Variants in AGBL3 observed in about 807,000 individuals in gnomAD.
The protein encoded by AGBL3 is cytosolic carboxypeptidase 3.
Under a neutral mutation model 94.5 loss-of-function variants are expected in AGBL3, and 68 were observed. The ratio of observed to expected loss-of-function variants is 0.72; its 90% confidence interval spans 0.59 to 0.88. The LOEUF is 0.88. Among genes scored for constraint, AGBL3 ranks in the 40% least tolerant of loss-of-function variants. AGBL3 has a pLI of 0.00. For missense variants in AGBL3, 934 were observed against 1,103.8 expected (o/e 0.85, Z 2.18); for synonymous variants, 354 against 370.7 (o/e 0.95, Z 0.52).
intron 4 of AGBL3, among the ~76,000 whole-genome samples, chr7:134,996,306 A>C (rs989010227): frequency 6.6e-6 from 1 of 152,210 alleles, no homozygotes; most frequent in Non-Finnish European, 1.5e-5. Context: ...CTGGGTTTTT[A>C]GACCCCTGTA....
intron 12 of AGBL3, among the ~76,000 whole-genome samples, chr7:135,061,744 G>C (rs188319913): frequency 6.6e-6 from 1 of 152,068 alleles, no homozygotes; most frequent in Non-Finnish European, 1.5e-5. Context: ...TGGTTTATGT[G>C]TCTGTTTTTA....
intron 5 of AGBL3, among the ~76,000 whole-genome samples, chr7:135,027,418 A>G (rs1815267329): frequency 1.4e-5 from 1 of 69,944 alleles, no homozygotes; most frequent in South Asian, 8.8e-4. Flanking sequence ...TAAAGAAATT[A>G]AGAGGAGAAA....
chr7:134,998,704 G>A (rs2133396844), intron 4 of AGBL3, among the ~76,000 whole-genome samples: 1 of 152,254 alleles, frequency 6.6e-6, no homozygotes, highest in African/African-American at 2.4e-5. Context: ...TTTGCCAGGT[G>A]GGGTGAAGAC....
At chr7:135,042,247 T>C (rs1459912927) in intron 8 of AGBL3, among the ~76,000 whole-genome samples, 3 of 152,194 alleles carry the variant, frequency 2.0e-5, no homozygotes, top group South Asian at 2.1e-4. Context: ...TCTATCATAA[T>C]TGCCAAAAGC....
rs185555336 is a variant in AGBL3 at position 135,019,554 on chromosome 7, T to C, written c.418+2395T>C. The stretch of plus-strand genomic sequence containing the variant: ...GTCAAGGTTCATTTTTTCCCACCTT[T>C]TAACAAAATTGATTAATCACCAGCT... On this transcript the variant is annotated intron_variant, in intron 5 of 16. Transcript: ENST00000436302. 8.3e-4 allele frequency among the ~76,000 whole-genome samples: 127 copies of C among 152,264 alleles called. 4 individuals are homozygous for C. The highest frequency in any genetic ancestry group is 3.0e-3 in the African/African-American group (123 of 41,574).
At chr7:134,997,738 G>A (rs1811187877) in intron 4 of AGBL3, among the ~76,000 whole-genome samples, 1 of 152,130 alleles carries the variant, frequency 6.6e-6, no homozygotes, top group South Asian at 2.1e-4. Context: ...GGCATCAGAG[G>A]CTATCTCCCA....
At chr7:135,109,338 C>T (rs180763588) in intron 15 of AGBL3, among the ~76,000 whole-genome samples, 1 of 152,316 alleles carries the variant, frequency 6.6e-6, no homozygotes, top group Non-Finnish European at 1.5e-5. Context: ...TGACAACCCA[C>T]CTCTCCCACT....
At chr7:135,068,054 G>A (rs1473183587) in intron 12 of AGBL3, among the ~76,000 whole-genome samples, 10 of 152,236 alleles carry the variant, frequency 6.6e-5, no homozygotes, top group Non-Finnish European at 1.3e-4. Flanking sequence ...ACCTGATGGA[G>A]CTGAAAACCA....
At chr7:135,031,772 G>T (rs1385538525) in intron 5 of AGBL3, among the ~76,000 whole-genome samples, 2 of 152,216 alleles carry the variant, frequency 1.3e-5, no homozygotes, top group African/African-American at 4.8e-5. Flanking sequence ...AAAGCCTAAG[G>T]TATTCCATAA....
Position 135,034,342 on chromosome 7 carries a change from G to T in AGBL3, c.751G>T (p.Ala251Ser). 1 of 1,551,628 alleles carries T rather than the reference G, an allele frequency of 6.4e-7. No individual in the cohort carries two copies. Residue 251 changes from alanine to serine, a missense_variant, in exon 7 of 17, where the codon GCT becomes TCT. Physicochemically the swap from Ala to Ser is moderately conservative, Grantham distance 99 (BLOSUM62 1). Around this residue, in one of 3 missense-constraint regions of AGBL3, gnomAD observed 488 missense variants for 563.6 expected, o/e 0.87. Coordinates refer to ENST00000436302, the MANE Select transcript of AGBL3 (RefSeq NM_178563.4). Reference protein sequence around the residue: ...PLFYSEKEAKAHHIGWQRIGD... With the variant: ...PLFYSEKEAKSHHIGWQRIGD... ...GTTCTATTCTGAAAAAGAGGCCAAG[G>T]CTCATCACATTGGCTGGCAGAGAAT...
At chr7:135,123,430 G>A (rs1372724006) in intron 16 of AGBL3, among the ~76,000 whole-genome samples, 5 of 152,082 alleles carry the variant, frequency 3.3e-5, no homozygotes, top group African/African-American at 9.7e-5. Context: ...CAGAGTACCT[G>A]AGGGAGACGG....
At chr7:135,060,498 A>G (rs1818733379) in intron 12 of AGBL3, among the ~76,000 whole-genome samples, 1 of 152,104 alleles carries the variant, frequency 6.6e-6, no homozygotes, top group South Asian at 2.1e-4. Context: ...TCTTGAACTT[A>G]TTCCTCCTAT....
chr7:135,022,609 T>C (rs769161076), intron 5 of AGBL3, among the ~76,000 whole-genome samples: 1 of 152,150 alleles, frequency 6.6e-6, no homozygotes, highest in African/African-American at 2.4e-5. Flanking sequence ...ATTCTGTAGG[T>C]TGCCTGTTTG....
At chr7:135,112,962 A>C (rs1469622432) in intron 15 of AGBL3, among the ~76,000 whole-genome samples, 1 of 152,124 alleles carries the variant, frequency 6.6e-6, no homozygotes, top group Non-Finnish European at 1.5e-5. Flanking sequence ...TTTTTAGTAG[A>C]GACAGGGTTT....
intron 1 of AGBL3, 57 bp downstream of exon 1, chr7:134,986,758 G>A (rs1357120755): frequency 1.3e-5 from 2 of 152,358 alleles, no homozygotes; most frequent in Non-Finnish European, 2.9e-5. Flanking sequence ...CCCGGAAAAT[G>A]AGCGCCTCCC....
chr7:135,061,344 A>G (rs1428831329), intron 12 of AGBL3, among the ~76,000 whole-genome samples: 2 of 151,328 alleles, frequency 1.3e-5, no homozygotes, highest in African/African-American at 4.8e-5. Flanking sequence ...ATGTCTCATC[A>G]TTCTGTTGAT....
chr7:135,040,882 A>AAAC (rs1563208695), intron 8 of AGBL3, among the ~76,000 whole-genome samples: 27 of 13,394 alleles, frequency 2.0e-3, no homozygotes, highest in Non-Finnish European at 0.013. Context: ...ACACACACAC[A>AAAC]CACCACACAC....
In AGBL3 at chr7:135,034,162, T is replaced by C. The variant is rs914633930; in HGVS notation, c.571T>C (p.Tyr191His). 6.5e-7 allele frequency: 1 copy of C among 1,541,192 alleles called. No homozygotes were observed. The highest frequency in any genetic ancestry group is 8.8e-7 in the Non-Finnish European group (1 of 1,141,100). Residue 191 changes from tyrosine (Y) to histidine (H), a missense_variant, in exon 7 of 17, where the codon TAC becomes CAC. Tyr to His is a moderately conservative substitution (Grantham distance 83, BLOSUM62 2). Coordinates refer to ENST00000436302, the MANE Select transcript of AGBL3 (RefSeq NM_178563.4). The part of the protein sequence containing the change: ...QKVVKVAEYE[Y>H]QLTVRPDLFT... ...CTTGTGTATTAGGGCAGAATACGAATACCAATTGACTGTACGCCCTGACCT... is the reference window on the plus strand; with the variant it reads ...CTTGTGTATTAGGGCAGAATACGAACACCAATTGACTGTACGCCCTGACCT...
Position 135,032,777 on chromosome 7 carries a change from T to G in AGBL3, c.419-67T>G, listed in dbSNP as rs73725210. ...TTACACTTGTACTATTGCTCCAAAC[T>G]CTGTGCAGAATAACCTTCTTACTTT... On this transcript the variant is annotated intron_variant, in intron 5 of 16. Transcript: ENST00000436302. 8,612 of 1,415,052 alleles carry G rather than the reference T, an allele frequency of 6.1e-3. 428 individuals carry two copies. In the African/African-American group the frequency reaches 0.11, roughly 18 times the overall value. The allele number at this position is 1,415,052 out of a possible 1,614,324, so 87.7% of individuals were successfully genotyped here. A position where few individuals can be genotyped will look rare whatever the true frequency, so the allele number is the denominator to read the frequency against.
Sources: allele counts gnomAD v4.1 joint callset (sites outside exome capture counted in the v4.1 genomes callset), GRCh38; gene constraint gnomAD v4.1.1; regional missense constraint gnomAD v4.1.1; transcripts MANE v1.5; gene names NCBI Gene and HGNC (gene_info 2026-07-23, HGNC 2026-07-21).